The following NEK11 variants were observed in gnomAD, a reference collection of about 807,000 sequenced individuals.
NEK11 encodes NIMA related kinase 11, also known as serine/threonine-protein kinase Nek11.
Under a neutral mutation model 80.7 loss-of-function variants are expected in NEK11, and 72 were observed. That is an observed-to-expected ratio of 0.89 (90% CI 0.74 to 1.08). The LOEUF is 1.08. Among genes scored for constraint, NEK11 ranks in the 50% least tolerant of loss-of-function variants. The pLI is 0.00. For missense variants in NEK11, 764 were observed against 763.6 expected (o/e 1.00, Z -0.01); for synonymous variants, 251 against 260.7 (o/e 0.96, Z 0.36).
chr3:131,160,316 A>T (rs920196646), intron 10 of NEK11, among the ~76,000 whole-genome samples: 1 of 152,224 alleles, frequency 6.6e-6, no homozygotes, highest in South Asian at 2.1e-4. Flanking sequence ...AGAATTTCAT[A>T]TCTTGCCAAA....
intron 3 of NEK11, among the ~76,000 whole-genome samples, chr3:131,041,360 A>C (rs999018717): frequency 6.6e-6 from 1 of 152,204 alleles, no homozygotes; most frequent in Non-Finnish European, 1.5e-5. Context: ...ATTGCATTTT[A>C]AGTAAGCTTT....
intron 17 of NEK11, among the ~76,000 whole-genome samples, chr3:131,296,986 T>A (rs2096600996): frequency 6.6e-6 from 1 of 152,212 alleles, no homozygotes; most frequent in African/African-American, 2.4e-5. Flanking sequence ...ACAAAGGAAA[T>A]GAACTCATCA....
chr3:131,162,548 G>A, intron 11 of NEK11, 21 bp downstream of exon 11: 1 of 1,613,490 alleles, frequency 6.2e-7, no homozygotes, highest in African/African-American at 1.3e-5. Context: ...TTTCCTTTAG[G>A]CACTCATGCT....
chr3:131,229,462 T>C (rs192313752), intron 15 of NEK11, among the ~76,000 whole-genome samples: 2 of 152,226 alleles, frequency 1.3e-5, no homozygotes, highest in Admixed American at 1.3e-4. Context: ...AAGCTTTTGT[T>C]AACTGAGAAC....
chr3:131,063,149 C>T (rs1404718676), intron 3 of NEK11, among the ~76,000 whole-genome samples: 4 of 152,174 alleles, frequency 2.6e-5, no homozygotes, highest in Non-Finnish European at 5.9e-5. Context: ...CTCAGCCTCC[C>T]AAGTAGCTGG....
intron 16 of NEK11, among the ~76,000 whole-genome samples, chr3:131,261,735 C>A (rs764845661): frequency 1.4e-4 from 22 of 152,130 alleles, no homozygotes; most frequent in Non-Finnish European, 2.9e-4. Flanking sequence ...TGTATATGTA[C>A]TCCATAGTAC....
At chr3:131,227,788 T>A (rs1015204056) in intron 14 of NEK11, among the ~76,000 whole-genome samples, 1 of 152,170 alleles carries the variant, frequency 6.6e-6, no homozygotes, top group Non-Finnish European at 1.5e-5. Flanking sequence ...TTTCTTGTGA[T>A]CCATTCATGG....
At chr3:131,188,675 C>G in intron 14 of NEK11, among the ~76,000 whole-genome samples, 1 of 152,100 alleles carries the variant, frequency 6.6e-6, no homozygotes, top group Non-Finnish European at 1.5e-5. Flanking sequence ...CCCTGAGCAC[C>G]ACTTTTATCT....
At chr3:131,197,280 C>A (rs143002566) in intron 14 of NEK11, among the ~76,000 whole-genome samples, 1 of 152,014 alleles carries the variant, frequency 6.6e-6, no homozygotes, top group Admixed American at 6.6e-5. Flanking sequence ...TGAATTGGGG[C>A]GTAGTGGGGG....
chr3:131,230,373 T>G (rs2095306878), intron 15 of NEK11, among the ~76,000 whole-genome samples: 1 of 152,224 alleles, frequency 6.6e-6, no homozygotes, highest in Admixed American at 6.5e-5. Context: ...TGAACTTCAC[T>G]GTGCCTCAGT....
At chr3:131,085,921 C>T (rs2075914392) in intron 4 of NEK11, among the ~76,000 whole-genome samples, 1 of 152,066 alleles carries the variant, frequency 6.6e-6, no homozygotes, top group Admixed American at 6.6e-5. Context: ...CCCTTTCCTG[C>T]CTTGTTTTTT....
At chr3:131,261,344 A>G (rs1052942533) in intron 16 of NEK11, among the ~76,000 whole-genome samples, 1 of 152,218 alleles carries the variant, frequency 6.6e-6, no homozygotes, top group Non-Finnish European at 1.5e-5. Context: ...ATCATTCTAT[A>G]TTTCACAGAT....
chr3:131,268,147 GTTA>G (rs1162135810), intron 16 of NEK11, among the ~76,000 whole-genome samples: 1 of 152,074 alleles, frequency 6.6e-6, no homozygotes, highest in African/African-American at 2.4e-5. Flanking sequence ...CTCTAAACTG[GTTA>G]TTCTAGTTAG....
chr3:131,244,523 G>A (rs756629172), intron 16 of NEK11, among the ~76,000 whole-genome samples: 62 of 152,018 alleles, frequency 4.1e-4, no homozygotes, highest in Admixed American at 3.7e-3. Context: ...AGGGGTTGGT[G>A]GTACTAAGCA....
intron 3 of NEK11, among the ~76,000 whole-genome samples, chr3:131,074,253 TC>T (rs1577871476): frequency 2.0e-5 from 3 of 152,120 alleles, no homozygotes; most frequent in African/African-American, 7.2e-5. Flanking sequence ...GGAGGGTTCC[TC>T]ATGCTTATTT....
At chr3:131,348,090 T>C (rs1190921131) in intron 17 of NEK11, among the ~76,000 whole-genome samples, 1 of 152,180 alleles carries the variant, frequency 6.6e-6, no homozygotes, top group Non-Finnish European at 1.5e-5. Context: ...ATTTACTCTT[T>C]TCTCTGTTCT....
intron 14 of NEK11, among the ~76,000 whole-genome samples, chr3:131,208,973 T>A (rs1021572036): frequency 6.6e-6 from 1 of 152,204 alleles, no homozygotes; most frequent in Non-Finnish European, 1.5e-5. Flanking sequence ...TGTTGCCTGA[T>A]TGCCCTGGCC....
At chr3:131,288,993 A>G (rs147131412) in intron 17 of NEK11, among the ~76,000 whole-genome samples, 88 of 152,356 alleles carry the variant, frequency 5.8e-4, no homozygotes, top group Middle Eastern at 6.8e-3. Flanking sequence ...TACTCATCAG[A>G]ACTCATCAGA....
At chr3:131,340,877 G>A (rs1470463726) in intron 17 of NEK11, among the ~76,000 whole-genome samples, 1 of 152,104 alleles carries the variant, frequency 6.6e-6, no homozygotes, top group Admixed American at 6.5e-5. Flanking sequence ...AAAGGCTTTT[G>A]TTTCTTGAAG....
Sources: allele counts gnomAD v4.1 joint callset (sites outside exome capture counted in the v4.1 genomes callset), GRCh38; gene constraint gnomAD v4.1.1; transcripts MANE v1.5; gene names NCBI Gene and HGNC (gene_info 2026-07-23, HGNC 2026-07-21).